Variants in FAM168A observed in about 807,000 individuals in gnomAD.
FAM168A encodes the protein protein FAM168A.
A neutral mutation model predicts 28.5 loss-of-function variants in FAM168A; 3 were observed. The observed-to-expected ratio is 0.11, with a 90% CI of 0.05 to 0.27. FAM168A has a LOEUF of 0.27. Ranked by LOEUF, FAM168A falls within the 10% of genes least tolerant of loss-of-function variation. The probability of loss-of-function intolerance (pLI) is 1.00; values close to 1 mark genes in which losing one functional copy is unlikely to be tolerated. For missense variants in FAM168A, 222 were observed against 311.5 expected, an observed-to-expected ratio of 0.71 and a Z score of 2.16; for synonymous variants, 122 against 124.2, an observed-to-expected ratio of 0.98 and a Z score of 0.12.
intron 1 of FAM168A, among the ~76,000 whole-genome samples, chr11:73,478,852 A>G (rs1034838388): frequency 6.6e-6 from 1 of 152,156 alleles, no homozygotes; most frequent in Non-Finnish European, 1.5e-5. Context: ...CTGTTGTTAT[A>G]CTGAAAGCTA....
Position 73,473,515 on chromosome 11 carries a change from C to G in FAM168A, c.-18-5023G>C, listed in dbSNP as rs575864219. Among the ~76,000 whole-genome samples the G allele has an allele frequency of 2.0e-5, 3 of 152,284 alleles. No homozygotes were observed. In the South Asian group the frequency reaches 6.2e-4, roughly 32 times the overall value. ...GGGCAGTTATAACTATATGATATGG[C>G]CTGATGTGCCTACCTCTCTGGTTGC... On this transcript the variant is annotated intron_variant, in intron 1 of 7. Transcript: ENST00000356467.
intron 1 of FAM168A, among the ~76,000 whole-genome samples, chr11:73,513,491 C>T (rs1855270363): frequency 6.6e-6 from 1 of 151,804 alleles, no homozygotes; most frequent in South Asian, 2.1e-4. Context: ...GCTGGGATTA[C>T]AGGCATGAGC....
At chr11:73,518,387 CATTAAAA>C (rs11277402) in intron 1 of FAM168A, among the ~76,000 whole-genome samples, 12,470 of 151,610 alleles carry the variant, frequency 0.082, 1,546 homozygotes, top group African/African-American at 0.27. Flanking sequence ...TATTAAAAAA[CATTAAAA>C]ATTAAAAATT....
chr11:73,483,428 T>A (rs1294913430), intron 1 of FAM168A, among the ~76,000 whole-genome samples: 1 of 152,130 alleles, frequency 6.6e-6, no homozygotes, highest in Non-Finnish European at 1.5e-5. Flanking sequence ...AAAACAGAAA[T>A]ACTACCACTT....
intron 1 of FAM168A, among the ~76,000 whole-genome samples, chr11:73,595,735 C>T (rs376357605): frequency 3.3e-5 from 5 of 152,096 alleles, no homozygotes; most frequent in Non-Finnish European, 7.4e-5. Flanking sequence ...TAATACAATG[C>T]GACTACATCA....
At chr11:73,547,330 A>C (rs1367545339) in intron 1 of FAM168A, among the ~76,000 whole-genome samples, 1 of 152,126 alleles carries the variant, frequency 6.6e-6, no homozygotes, top group African/African-American at 2.4e-5. Flanking sequence ...GGTATTAAAA[A>C]AAAAATCCAA....
At chr11:73,543,196 C>G (rs1331045509) in intron 1 of FAM168A, among the ~76,000 whole-genome samples, 2 of 151,926 alleles carry the variant, frequency 1.3e-5, no homozygotes, top group Non-Finnish European at 2.9e-5. Context: ...ACTGCTGTAT[C>G]CCCGGAGCTA....
chr11:73,587,805 A>G (rs950208605), intron 1 of FAM168A, among the ~76,000 whole-genome samples: 1 of 152,074 alleles, frequency 6.6e-6, no homozygotes, highest in African/African-American at 2.4e-5. Flanking sequence ...GCTGGAGGGC[A>G]GTGGCGCAAT....
Position 73,503,463 on chromosome 11 carries a change from C to A in FAM168A, c.-18-34971G>T, listed in dbSNP as rs191207169. 4.0e-4 allele frequency among the ~76,000 whole-genome samples: 61 copies of A among 152,236 alleles called. 1 individual carries two copies. The highest frequency in any genetic ancestry group is 1.4e-3 in the African/African-American group (60 of 41,536). ...TAACAAGGGATGTAAAGGACCTCTT[C>A]AAGGATAGCTACAAACCACTGCTCA... is the stretch of plus-strand genomic sequence containing the variant. On this transcript the variant is annotated intron_variant, in intron 1 of 7. Coordinates refer to ENST00000356467, the MANE Select transcript of FAM168A (RefSeq NM_015159.3).
At position 73,528,673 on chromosome 11, in the gene FAM168A, G is replaced by A. The variant is rs750354665; in HGVS notation, c.-18-60181C>T. On this transcript the variant is annotated intron_variant, in intron 1 of 7. Coordinates refer to ENST00000356467, the MANE Select transcript of FAM168A (RefSeq NM_015159.3). ...CTTTCTTGCGTGAGATCCAAGAACC[G>A]TCTCTTGGGGTCTGGAACCTGGACC... Among the ~76,000 whole-genome samples, 61 of 152,072 alleles carry A rather than the reference G, an allele frequency of 4.0e-4. 1 individual carries two copies. The highest frequency in any genetic ancestry group is 1.2e-4 in the Non-Finnish European group (8 of 68,002).
intron 1 of FAM168A, among the ~76,000 whole-genome samples, chr11:73,587,347 CCGGG>C (rs985909861): frequency 1.3e-5 from 2 of 151,926 alleles, no homozygotes; most frequent in African/African-American, 2.4e-5. Flanking sequence ...CAAAAATTAG[CCGGG>C]CATGGTTTCG....
chr11:73,589,296 G>T (rs1323953396), intron 1 of FAM168A, among the ~76,000 whole-genome samples: 2 of 152,012 alleles, frequency 1.3e-5, no homozygotes, highest in African/African-American at 2.4e-5. Flanking sequence ...CAGACCAATG[G>T]ATTTTAATGT....
intron 1 of FAM168A, among the ~76,000 whole-genome samples, chr11:73,577,858 T>C (rs921269704): frequency 6.6e-6 from 1 of 152,176 alleles, no homozygotes; most frequent in East Asian, 1.9e-4. Context: ...TGTGTAACAC[T>C]GGGCATGAGG....
At chr11:73,573,816 C>A (rs1944138392) in intron 1 of FAM168A, among the ~76,000 whole-genome samples, 1 of 152,068 alleles carries the variant, frequency 6.6e-6, no homozygotes, top group South Asian at 2.1e-4. Context: ...ATGAGCCAGG[C>A]ATGGTGGTAC....
chr11:73,589,787 C>A (rs112294182), intron 1 of FAM168A, among the ~76,000 whole-genome samples: 1 of 152,002 alleles, frequency 6.6e-6, no homozygotes, highest in African/African-American at 2.4e-5. Context: ...ATTAGCTGGG[C>A]GTGGTGGCGC....
At chr11:73,574,237 T>C (rs960755808) in intron 1 of FAM168A, among the ~76,000 whole-genome samples, 1 of 152,248 alleles carries the variant, frequency 6.6e-6, no homozygotes, top group Non-Finnish European at 1.5e-5. Flanking sequence ...TCACATTCAT[T>C]ATCTCATTTG....
At chr11:73,478,543 C>A (rs1867924396) in intron 1 of FAM168A, among the ~76,000 whole-genome samples, 1 of 151,982 alleles carries the variant, frequency 6.6e-6, no homozygotes, top group African/African-American at 2.4e-5. Context: ...TTGGTGGTTA[C>A]AAAATTCTGT....
intron 1 of FAM168A, among the ~76,000 whole-genome samples, chr11:73,521,138 T>C (rs1943369768): frequency 6.6e-6 from 1 of 152,224 alleles, no homozygotes; most frequent in African/African-American, 2.4e-5. Context: ...GCCTTATAAT[T>C]TGACAGGATT....
At chr11:73,476,814 G>C (rs923297941) in intron 1 of FAM168A, among the ~76,000 whole-genome samples, 5 of 152,110 alleles carry the variant, frequency 3.3e-5, no homozygotes, top group African/African-American at 1.2e-4. Flanking sequence ...TCATTCAAGA[G>C]AGGCTCAGAA....
Sources: gnomAD v4.1 joint callset for allele counts (sites outside exome capture counted in the v4.1 genomes callset) on GRCh38, gnomAD v4.1.1 for gene constraint, MANE v1.5 for transcripts, NCBI Gene and HGNC (gene_info 2026-07-23, HGNC 2026-07-21) for gene names.